Variants in FAM227B observed in about 807,000 individuals in gnomAD.
FAM227B encodes protein FAM227B.
In FAM227B, 88 loss-of-function variants were observed where a neutral mutation model predicts 73.8. The ratio of observed to expected loss-of-function variants is 1.19; its 90% CI spans 1.00 to 1.42. The LOEUF is 1.42. FAM227B is among the 40% of genes most tolerant of loss of function. The pLI is 0.00. For synonymous variants in FAM227B, 210 were observed against 190.5 expected (o/e 1.10, Z -0.84); for missense variants, 632 against 590.9 (o/e 1.07, Z -0.72).
At chr15:49,557,477 C>T (rs1395901) in intron 9 of FAM227B, among the ~76,000 whole-genome samples, 38,676 of 152,018 alleles carry the variant, frequency 0.25, 5,812 homozygotes, top group Non-Finnish European at 0.35. Flanking sequence ...GAGTTTAAGA[C>T]GACAGATGGG....
chr15:49,501,585 ATATT>A (rs145713176), intron 11 of FAM227B, among the ~76,000 whole-genome samples: 8,294 of 152,360 alleles, frequency 0.054, 321 homozygotes, highest in East Asian at 0.13. Flanking sequence ...TGTGGAACTT[ATATT>A]TAAACAGGAA....
At chr15:49,392,905 G>T (rs902262006) in intron 11 of FAM227B, among the ~76,000 whole-genome samples, 5 of 152,124 alleles carry the variant, frequency 3.3e-5, no homozygotes, top group African/African-American at 1.2e-4. Flanking sequence ...TTTTGAATTG[G>T]AAGAGAGAAT....
intron 11 of FAM227B, among the ~76,000 whole-genome samples, chr15:49,375,310 A>G (rs2046088255): frequency 6.6e-6 from 1 of 152,156 alleles, no homozygotes; most frequent in African/African-American, 2.4e-5. Flanking sequence ...TTATGTTATA[A>G]TAAATTAGTG....
rs1387647167 is a variant in FAM227B at position 49,433,690 on chromosome 15, A to G, written c.1013-62291T>C. ...TATTGTAGAGGCCAACTATATAAGC[A>G]GACACAGTTACCACTGGTGACACTG... On this transcript the variant is annotated intron_variant, in intron 11 of 15. Transcript: ENST00000299338. Among the ~76,000 whole-genome samples, 6 of 151,778 alleles carry G rather than the reference A, an allele frequency of 4.0e-5. No individual in the cohort carries two copies. The South Asian group carries it at 1.0e-3, about 26-fold the overall frequency.
intron 10 of FAM227B, among the ~76,000 whole-genome samples, chr15:49,509,464 G>T (rs1445795781): frequency 6.6e-6 from 1 of 152,114 alleles, no homozygotes; most frequent in African/African-American, 2.4e-5. Flanking sequence ...CTATGTGCTT[G>T]ACACAAGGGG....
chr15:49,515,567 T>C (rs965194645), intron 10 of FAM227B, among the ~76,000 whole-genome samples: 6 of 152,154 alleles, frequency 3.9e-5, no homozygotes, highest in Non-Finnish European at 7.4e-5. Flanking sequence ...GTAGTAAAGA[T>C]GAGGTAAGTA....
intron 11 of FAM227B, among the ~76,000 whole-genome samples, chr15:49,440,780 C>G (rs2051563132): frequency 6.6e-6 from 1 of 151,594 alleles, no homozygotes; most frequent in Non-Finnish European, 1.5e-5. Context: ...GAACTCAGGG[C>G]TCTACAGAAA....
chr15:49,493,980 A>G (rs553394915), intron 11 of FAM227B, among the ~76,000 whole-genome samples: 2 of 151,888 alleles, frequency 1.3e-5, no homozygotes, highest in South Asian at 4.1e-4. Flanking sequence ...ATTTAAAACA[A>G]TTACATACCT....
At position 49,388,846 on chromosome 15, in the gene FAM227B, TAAAAG is replaced by T; in HGVS notation, c.1013-17452_1013-17448del. On this transcript the variant is annotated intron_variant, in intron 11 of 15. Transcript: ENST00000299338. ...GCAAAGGACATGAATAGACATTTCTTAAAAGAAGATATACAAATGGTCAATAAATA... is the reference window on the plus strand; with the variant it reads ...GCAAAGGACATGAATAGACATTTCTTAAGATATACAAATGGTCAATAAATA... Among the ~76,000 whole-genome samples the T allele has an allele frequency of 1.3e-5, 2 of 151,834 alleles. 1 individual carries two copies. The highest frequency in any genetic ancestry group is 3.0e-5 in the Non-Finnish European group (2 of 67,778).
At chr15:49,452,463 A>G (rs897967912) in intron 11 of FAM227B, among the ~76,000 whole-genome samples, 1 of 152,210 alleles carries the variant, frequency 6.6e-6, no homozygotes, top group Non-Finnish European at 1.5e-5. Flanking sequence ...AATGTTTGGT[A>G]AACAAATTAA....
At chr15:49,572,963 T>C in intron 8 of FAM227B, among the ~76,000 whole-genome samples, 1 of 151,904 alleles carries the variant, frequency 6.6e-6, no homozygotes, top group East Asian at 1.9e-4. Context: ...TTTTATTTTC[T>C]TCTGCTTTCC....
At chr15:49,605,112 T>G (rs1444355038) in intron 3 of FAM227B, among the ~76,000 whole-genome samples, 1 of 152,182 alleles carries the variant, frequency 6.6e-6, no homozygotes, top group Non-Finnish European at 1.5e-5. Context: ...TGTTTTGATG[T>G]CTGCACATCT....
chr15:49,463,179 C>T (rs1052053565), intron 11 of FAM227B, among the ~76,000 whole-genome samples: 2 of 152,206 alleles, frequency 1.3e-5, no homozygotes, highest in African/African-American at 4.8e-5. Flanking sequence ...CTGGTCTTGC[C>T]TCTTGCCAAT....
Position 49,328,303 on chromosome 15 carries a change from G to A in FAM227B, c.*265C>T. ...ATCAAGATATATTTTCAAAGAAATG[G>A]TTGAAAGCTCTCTATGCTTCATAAT... is the stretch of plus-strand genomic sequence containing the variant. On this transcript the variant is annotated 3_prime_UTR_variant, in exon 16 of 16. Transcript: ENST00000299338. 1 of 1,436,338 alleles carries A rather than the reference G, an allele frequency of 7.0e-7. No individual in the cohort carries two copies. Among genetic ancestry groups the A allele is most frequent in the Non-Finnish European group, 9.1e-7 (1 of 1,098,498 alleles). 89.0% of individuals were successfully genotyped at this position (1,436,338 alleles called of 1,614,324 possible).
intron 13 of FAM227B, among the ~76,000 whole-genome samples, chr15:49,346,104 G>A (rs1261183126): frequency 6.7e-6 from 1 of 150,190 alleles, no homozygotes; most frequent in Non-Finnish European, 1.5e-5. Flanking sequence ...TGCTGAACAC[G>A]AAACTTAACC....
chr15:49,424,635 A>C, intron 11 of FAM227B: 1 of 1,359,980 alleles, frequency 7.4e-7, no homozygotes, highest in African/African-American at 1.5e-5. Context: ...TTAATGGATC[A>C]ATTTTCAGGT....
chr15:49,528,844 T>C (rs1307290576), intron 10 of FAM227B, among the ~76,000 whole-genome samples: 2 of 151,774 alleles, frequency 1.3e-5, no homozygotes, highest in East Asian at 1.9e-4. Context: ...GGTGAGGATG[T>C]GGAGAAAAGG....
rs188325584 is a variant in FAM227B at position 49,465,827 on chromosome 15, G to C, written c.1012+42384C>G. 7.0e-3 allele frequency among the ~76,000 whole-genome samples: 1,067 copies of C among 152,210 alleles called. 11 individuals are homozygous for C. The highest frequency in any genetic ancestry group is 0.024 in the Middle Eastern group (7 of 294). ...GACATTTAGTATGATTAGAAAACTTGTTAATTCTTTAATCTTGGAATAATA... is the reference window on the plus strand; with the variant it reads ...GACATTTAGTATGATTAGAAAACTTCTTAATTCTTTAATCTTGGAATAATA... On this transcript the variant is annotated intron_variant, in intron 11 of 15. Transcript: ENST00000299338.
chr15:49,531,771 A>G (rs1441590563), intron 10 of FAM227B, among the ~76,000 whole-genome samples: 1 of 151,928 alleles, frequency 6.6e-6, no homozygotes, highest in Non-Finnish European at 1.5e-5. Flanking sequence ...CACAATTTAG[A>G]TAATATATTC....
Sources: allele counts gnomAD v4.1 joint callset (sites outside exome capture counted in the v4.1 genomes callset), GRCh38; gene constraint gnomAD v4.1.1; transcripts MANE v1.5; gene names NCBI Gene and HGNC (gene_info 2026-07-23, HGNC 2026-07-21).